The following NUP93 variants were observed in gnomAD, a reference collection of about 807,000 sequenced individuals.
NUP93 encodes nuclear pore complex protein Nup93.
Under a neutral mutation model 107.8 loss-of-function variants are expected in NUP93, and 55 were observed. The ratio of observed to expected loss-of-function variants is 0.51; its 90% CI spans 0.41 to 0.64. The LOEUF is 0.64. Among genes scored for constraint, NUP93 ranks in the 30% least tolerant of loss-of-function variants. The pLI, the probability that NUP93 is intolerant of heterozygous loss-of-function variation, is 0.00. For missense variants in NUP93, 937 were observed against 1,044.7 expected, an observed-to-expected ratio of 0.90 and a Z score of 1.42; for synonymous variants, 390 against 397.5, an observed-to-expected ratio of 0.98 and a Z score of 0.22.
Position 56,769,952 on chromosome 16 carries a change from A to AT in NUP93, c.297+11297_297+11298insT, listed in dbSNP as rs1461358579. ...AGGGTATTATGTGTATTTGGTTTTAAAGACACAAAGCCCTCAACTTTGTGT... is the reference window on the plus strand; with the variant it reads ...AGGGTATTATGTGTATTTGGTTTTAATAGACACAAAGCCCTCAACTTTGTGT... On this transcript the variant is annotated intron_variant, in intron 3 of 21. Transcript: ENST00000308159. Among the ~76,000 whole-genome samples, 3 of 152,318 alleles carry AT rather than the reference A, an allele frequency of 2.0e-5. No individual in the cohort carries two copies. The East Asian group carries it at 5.8e-4, about 29-fold the overall frequency.
intron 2 of NUP93, among the ~76,000 whole-genome samples, chr16:56,755,103 G>T (rs1244196737): frequency 5.3e-5 from 8 of 152,088 alleles, no homozygotes; most frequent in Admixed American, 3.9e-4. Flanking sequence ...TAAGCATAGG[G>T]TTATATGACC....
intron 8 of NUP93, among the ~76,000 whole-genome samples, chr16:56,827,174 G>A (rs1338706987): frequency 6.7e-6 from 1 of 149,470 alleles, no homozygotes; most frequent in Non-Finnish European, 1.5e-5. Context: ...GTAGTCTCTT[G>A]TTTTTGACAA....
chr16:56,775,606 A>G (rs777686029), intron 3 of NUP93, among the ~76,000 whole-genome samples: 2 of 152,232 alleles, frequency 1.3e-5, no homozygotes, highest in Non-Finnish European at 2.9e-5. Flanking sequence ...TAGCATGTCA[A>G]TAAAACTGGG....
intron 5 of NUP93, among the ~76,000 whole-genome samples, chr16:56,809,273 G>T (rs915724757): frequency 2.6e-5 from 4 of 152,146 alleles, no homozygotes; most frequent in Non-Finnish European, 4.4e-5. Context: ...AATCAGCAGT[G>T]ACTAGTTCTG....
intron 1 of NUP93, among the ~76,000 whole-genome samples, chr16:56,735,990 AAT>A (rs1297906717): frequency 6.6e-6 from 1 of 152,114 alleles, no homozygotes; most frequent in Non-Finnish European, 1.5e-5. Flanking sequence ...GGATGAAAGC[AAT>A]AGTTAGAGGA....
chr16:56,802,221 A>G (rs887152377), intron 4 of NUP93, among the ~76,000 whole-genome samples: 19 of 152,166 alleles, frequency 1.2e-4, no homozygotes, highest in Non-Finnish European at 2.2e-4. Context: ...TTTGACCACT[A>G]TGTAGGAAAG....
intron 3 of NUP93, among the ~76,000 whole-genome samples, chr16:56,778,909 A>G (rs1962463954): frequency 6.6e-6 from 1 of 152,182 alleles, no homozygotes; most frequent in African/African-American, 2.4e-5. Context: ...AATAGGAGAA[A>G]TGTTTAGCAG....
intron 2 of NUP93, among the ~76,000 whole-genome samples, chr16:56,753,586 C>T (rs1205216030): frequency 1.3e-5 from 2 of 152,166 alleles, no homozygotes; most frequent in African/African-American, 2.4e-5. Context: ...ACATTTTTAA[C>T]AAGCTTTCCA....
At chr16:56,815,899 G>GCTGCTGGTGCTGCTGC (rs1555495759) in intron 5 of NUP93, among the ~76,000 whole-genome samples, 1 of 95,984 alleles carries the variant, frequency 1.0e-5, no homozygotes, top group Non-Finnish European at 2.2e-5. Context: ...GCTGCTGCTG[G>GCTGCTGGTGCTGCTGC]TGCTGCTGCT....
chr16:56,819,838 A>T (rs1963507589), intron 6 of NUP93, among the ~76,000 whole-genome samples: 2 of 152,160 alleles, frequency 1.3e-5, no homozygotes, highest in Admixed American at 1.3e-4. Flanking sequence ...TTGGGGTGCC[A>T]TTGCCACGTC....
rs1271008380 is a variant in NUP93 at position 56,844,645 on chromosome 16, G to A, written c.*36G>A. 7.0e-7 allele frequency: 1 copy of A among 1,423,446 alleles called. No homozygotes were observed. The highest frequency in any genetic ancestry group is 9.7e-7 in the Non-Finnish European group (1 of 1,029,904). 88.2% of individuals were successfully genotyped at this position (1,423,446 alleles called of 1,614,324 possible). ...TTGTGGGAGTCTGGGTCGGCACACT[G>A]TCAGTACATCAGGCACATGGGCCCA... is the stretch of plus-strand genomic sequence containing the variant. On this transcript the variant is annotated 3_prime_UTR_variant, in exon 22 of 22. Transcript: ENST00000308159.
At position 56,846,864 on chromosome 16, in the gene NUP93, C is replaced by T. The variant is rs777262983; in HGVS notation, c.*2255C>T. 4 of 152,188 alleles carry T rather than the reference C, an allele frequency of 2.6e-5. No individual in the cohort carries two copies. The highest frequency in any genetic ancestry group is 4.4e-5 in the Non-Finnish European group (3 of 68,042). The allele number at this position is 152,188 out of a possible 1,614,324, so 9.4% of individuals were successfully genotyped here. A position where few individuals can be genotyped will look rare whatever the true frequency, so the allele number is the denominator to read the frequency against. On this transcript the variant is annotated 3_prime_UTR_variant, in exon 22 of 22. Transcript: ENST00000308159. The stretch of plus-strand genomic sequence containing the variant: ...AAATACATGTTTGCTCCTGGCTTAC[C>T]TCTTCTTCACTATCCCATGAGAATC...
intron 1 of NUP93, among the ~76,000 whole-genome samples, chr16:56,744,591 C>G (rs958680039): frequency 2.0e-5 from 3 of 152,182 alleles, no homozygotes; most frequent in Admixed American, 6.5e-5. Context: ...ATACATATCT[C>G]TCTTCTTCTG....
At chr16:56,799,452 A>G (rs1189702954) in intron 4 of NUP93, among the ~76,000 whole-genome samples, 1 of 152,172 alleles carries the variant, frequency 6.6e-6, no homozygotes, top group East Asian at 1.9e-4. Context: ...AAATATCAAA[A>G]CCTTTCCATA....
At chr16:56,766,653 A>G (rs1261175671) in intron 3 of NUP93, among the ~76,000 whole-genome samples, 5 of 152,102 alleles carry the variant, frequency 3.3e-5, no homozygotes, top group African/African-American at 1.2e-4. Flanking sequence ...TTGCCACAGC[A>G]CCTTGTGATC....
At chr16:56,798,369 G>A in intron 3 of NUP93, 107 bp from the exon 4 acceptor site, 1 of 855,452 alleles carries the variant, frequency 1.2e-6, no homozygotes, top group Non-Finnish European at 1.9e-6. Flanking sequence ...GTTTTGTGAG[G>A]TGTAGGTAGC....
chr16:56,808,759 AAAATACATATATAT>A (rs1289884792), intron 5 of NUP93, among the ~76,000 whole-genome samples: 3 of 144,330 alleles, frequency 2.1e-5, no homozygotes, highest in South Asian at 2.1e-4. Flanking sequence ...TAAATATATA[AAAATACATATATAT>A]AAATACATAT....
intron 5 of NUP93, among the ~76,000 whole-genome samples, chr16:56,812,642 C>T (rs777611541): frequency 6.6e-6 from 1 of 152,076 alleles, no homozygotes; most frequent in South Asian, 2.1e-4. Flanking sequence ...TGTGTCCGCC[C>T]CCCTAGCAAG....
chr16:56,829,207 T>C (rs1963730528), intron 9 of NUP93, 98 bp downstream of exon 9: 2 of 1,393,982 alleles, frequency 1.4e-6, no homozygotes, highest in Non-Finnish European at 1.9e-6. Context: ...TGGAGACTAC[T>C]GTGTGGAGAT....
Sources: gnomAD v4.1 joint callset for allele counts (sites outside exome capture counted in the v4.1 genomes callset) on GRCh38, gnomAD v4.1.1 for gene constraint, MANE v1.5 for transcripts, NCBI Gene and HGNC (gene_info 2026-07-23, HGNC 2026-07-21) for gene names.